The following PCDHA1 variants were observed in gnomAD, a reference collection of about 807,000 sequenced individuals.
PCDHA1 encodes protocadherin alpha-1.
PCDHA1 carries 42 observed loss-of-function variants against 61.3 expected under a neutral mutation model. That is an observed-to-expected ratio of 0.69 (90% CI 0.54 to 0.89). PCDHA1 has a LOEUF of 0.89. Among genes scored for constraint, PCDHA1 ranks in the 40% least tolerant of loss-of-function variants. PCDHA1 has a pLI of 0.00. For synonymous variants in PCDHA1, 610 were observed against 553.8 expected (o/e 1.10, Z -1.43); for missense variants, 1,256 against 1,235.3 (o/e 1.02, Z -0.25).
In PCDHA1 at chr5:140,856,941, C is replaced by A. The variant is rs782304851; in HGVS notation, c.2394+68257C>A. The A allele has an allele frequency of 2.5e-6, 4 of 1,592,588 alleles. No homozygotes were observed. The South Asian group carries it at 3.3e-5, about 13-fold the overall frequency. On this transcript the variant is annotated intron_variant, in intron 1 of 3. Coordinates refer to ENST00000504120, the MANE Select transcript of PCDHA1 (RefSeq NM_018900.4). The stretch of plus-strand genomic sequence containing the variant: ...AGGAAATTTTGGATAAACGAAAGGA[C>A]GGGAGAAATAAAAGTAAATGATGCT...
intron 1 of PCDHA1, chr5:140,856,880 T>TA: frequency 6.3e-7 from 1 of 1,594,256 alleles, no homozygotes; most frequent in Non-Finnish European, 8.6e-7. Flanking sequence ...GGAAATGATG[T>TA]ATTCATTTAG....
chr5:140,878,728 C>T (rs1554170509), intron 1 of PCDHA1, among the ~76,000 whole-genome samples: 1 of 152,170 alleles, frequency 6.6e-6, no homozygotes, highest in Non-Finnish European at 1.5e-5. Flanking sequence ...AATTTCCAGC[C>T]TTATATCTAC....
chr5:140,822,052 G>A, intron 1 of PCDHA1: 1 of 1,614,246 alleles, frequency 6.2e-7, no homozygotes, highest in Non-Finnish European at 8.5e-7. Context: ...CGACCGGGAG[G>A]AGCTGTGCCG....
In PCDHA1 at chr5:140,997,121, A is replaced by G. The variant is rs138556400; in HGVS notation, c.2543-12506A>G. On this transcript the variant is annotated intron_variant, in intron 3 of 3. Transcript: ENST00000504120. ...CTCATGCACTCCTGCTCTCCCACAT[A>G]CACAATGCCCCCACACCCCCGCCAC... 2.1e-4 allele frequency among the ~76,000 whole-genome samples: 32 copies of G among 152,152 alleles called. No individual in the cohort carries two copies. The East Asian group carries it at 5.8e-3, about 28-fold the overall frequency.
At chr5:140,954,014 A>T (rs782347890) in intron 1 of PCDHA1, among the ~76,000 whole-genome samples, 1 of 152,038 alleles carries the variant, frequency 6.6e-6, no homozygotes, top group Non-Finnish European at 1.5e-5. Context: ...CAGCTCCCAC[A>T]CATAGTGGGA....
Position 140,786,155 on chromosome 5 carries a change from T to G in PCDHA1, c.-136T>G. 2 of 1,129,858 alleles carry G rather than the reference T, an allele frequency of 1.8e-6. No homozygotes were observed. The highest frequency in any genetic ancestry group is 1.6e-5 in the African/African-American group (1 of 64,460). The allele number at this position is 1,129,858 out of a possible 1,614,324, so 70.0% of individuals were successfully genotyped here. A position where few individuals can be genotyped will look rare whatever the true frequency, so the allele number is the denominator to read the frequency against. ...GAAGGGAGCTACTGATCACTAAAAG[T>G]GAAGGAGGAAGCTCCATTTTGTCAC... On this transcript the variant is annotated 5_prime_UTR_variant, in exon 1 of 4. Coordinates refer to ENST00000504120, the MANE Select transcript of PCDHA1 (RefSeq NM_018900.4).
intron 1 of PCDHA1, chr5:140,803,943 G>T (rs539392067): frequency 5.3e-6 from 2 of 377,022 alleles, no homozygotes; most frequent in Admixed American, 4.4e-5. Flanking sequence ...CCTATACAAT[G>T]CTTCTTCAAT....
chr5:140,829,418 G>C, intron 1 of PCDHA1: 2 of 1,614,154 alleles, frequency 1.2e-6, no homozygotes, highest in African/African-American at 1.3e-5. Context: ...CAGCTTGTCT[G>C]TGGAGGTGGC....
intron 1 of PCDHA1, chr5:140,884,546 T>C (rs1554181711): frequency 6.2e-7 from 1 of 1,614,082 alleles, no homozygotes; most frequent in Non-Finnish European, 8.5e-7. Flanking sequence ...GAGGGTGTGC[T>C]CTGGGGAGGG....
rs782676713 is a variant in PCDHA1 at position 140,968,215 on chromosome 5, G to A, written c.2395-10734G>A. 3 of 1,613,862 alleles carry A rather than the reference G, an allele frequency of 1.9e-6. 1 individual carries two copies. The highest frequency in any genetic ancestry group is 2.5e-6 in the Non-Finnish European group (3 of 1,180,046). On this transcript the variant is annotated intron_variant, in intron 1 of 3. Transcript: ENST00000504120. ...CCATCTACATACAGGAGAACAATTT[G>A]CCAGGTGTGTTGCTCTGTACTGTGC... is the stretch of plus-strand genomic sequence containing the variant.
chr5:140,862,339 C>T (rs1221529489), intron 1 of PCDHA1: 2 of 332,834 alleles, frequency 6.0e-6, no homozygotes, highest in Non-Finnish European at 1.2e-5. Context: ...TTGACCCTAA[C>T]TTCAGTGCCA....
At chr5:140,865,437 T>A (rs951308725) in intron 1 of PCDHA1, 1 of 152,200 alleles carries the variant, frequency 6.6e-6, no homozygotes, top group Non-Finnish European at 1.5e-5. Flanking sequence ...GAAAAATAAC[T>A]TCTGAGAAGA....
At chr5:140,950,452 C>A (rs1030639288) in intron 1 of PCDHA1, among the ~76,000 whole-genome samples, 12 of 151,888 alleles carry the variant, frequency 7.9e-5, no homozygotes, top group African/African-American at 2.7e-4. Context: ...ATTCTACTGT[C>A]TTCTAATGCT....
rs782180931 is a variant in PCDHA1, at chr5:140,857,881, G to A, written c.2394+69197G>A. 6 of 1,597,644 alleles carry A rather than the reference G, an allele frequency of 3.8e-6. 1 individual carries two copies. In the African/African-American group the frequency reaches 8.1e-5, roughly 22 times the overall value. On this transcript the variant is annotated intron_variant, in intron 1 of 3. Coordinates refer to ENST00000504120, the MANE Select transcript of PCDHA1 (RefSeq NM_018900.4). ...ACGCGTGGCTGTCGTATGAATTGCAGTCGGCGGCGGTTGGTGCACGCATCC... is the reference window on the plus strand; with the variant it reads ...ACGCGTGGCTGTCGTATGAATTGCAATCGGCGGCGGTTGGTGCACGCATCC...
intron 1 of PCDHA1, chr5:140,801,001 A>G (rs1762624622): frequency 2.1e-6 from 3 of 1,406,678 alleles, no homozygotes; most frequent in Non-Finnish European, 2.8e-6. Context: ...ACGTTTAGCC[A>G]CATGATGTCG....
intron 1 of PCDHA1, among the ~76,000 whole-genome samples, chr5:140,930,790 A>G (rs155822): frequency 0.047 from 7,177 of 152,302 alleles, 299 homozygotes; most frequent in African/African-American, 0.11. Context: ...ACAATATAAT[A>G]GAATCCAGCA....
intron 1 of PCDHA1, among the ~76,000 whole-genome samples, chr5:140,844,348 A>T (rs1466711189): frequency 6.7e-6 from 1 of 149,514 alleles, no homozygotes; most frequent in Non-Finnish European, 1.5e-5. Context: ...AAGTAAAATC[A>T]AGAGGGAAGA....
At chr5:140,979,318 T>C (rs2096844474) in intron 2 of PCDHA1, among the ~76,000 whole-genome samples, 1 of 152,196 alleles carries the variant, frequency 6.6e-6, no homozygotes, top group Non-Finnish European at 1.5e-5. Context: ...CTACCTATGC[T>C]TTCTTTTCCT....
intron 1 of PCDHA1, chr5:140,825,213 G>T (rs989046877): frequency 6.6e-6 from 1 of 151,464 alleles, no homozygotes; most frequent in African/African-American, 2.4e-5. Context: ...TACTGAAGTA[G>T]ATTTGTTTTT....
Sources: allele counts gnomAD v4.1 joint callset (sites outside exome capture counted in the v4.1 genomes callset), GRCh38; gene constraint gnomAD v4.1.1; transcripts MANE v1.5; gene names NCBI Gene and HGNC (gene_info 2026-07-23, HGNC 2026-07-21).